Variants in HTR4 observed in about 807,000 individuals in gnomAD.
The protein encoded by HTR4 is 5-hydroxytryptamine receptor 4, also known as 5-hydroxytryptamine (serotonin) receptor 4, G protein-coupled.
Under a neutral mutation model 36.8 loss-of-function variants are expected in HTR4, and 16 were observed. The observed-to-expected ratio is 0.43, with a 90% CI of 0.29 to 0.66. HTR4 has a LOEUF of 0.66. HTR4 is among the 30% of genes least tolerant of loss of function. HTR4 has a pLI of 0.13. For synonymous variants in HTR4, 189 were observed against 185.1 expected (o/e 1.02, Z -0.17); for missense variants, 438 against 490.9 (o/e 0.89, Z 1.02).
intron 2 of HTR4, among the ~76,000 whole-genome samples, chr5:148,615,707 A>ATAAAATAAAATAAAAT (rs773040493): frequency 1.7e-5 from 2 of 117,194 alleles, no homozygotes; most frequent in South Asian, 5.6e-4. Flanking sequence ...AAAGAAAGAA[A>ATAAAATAAAATAAAAT]GAAATAAAAT....
At chr5:148,531,422 C>T (rs1758561694) in intron 4 of HTR4, among the ~76,000 whole-genome samples, 1 of 152,158 alleles carries the variant, frequency 6.6e-6, no homozygotes, top group African/African-American at 2.4e-5. Flanking sequence ...GCTCTCTTCT[C>T]TTGTCTGCCA....
chr5:148,651,465 T>A (rs1754031593), intron 1 of HTR4, among the ~76,000 whole-genome samples: 1 of 152,080 alleles, frequency 6.6e-6, no homozygotes, highest in South Asian at 2.1e-4. Flanking sequence ...ACTGGAGTGG[T>A]AGGAGGAGGG....
At chr5:148,640,107 A>C (rs1031357430) in intron 1 of HTR4, among the ~76,000 whole-genome samples, 7 of 152,202 alleles carry the variant, frequency 4.6e-5, no homozygotes, top group African/African-American at 1.7e-4. Flanking sequence ...ATCTGGGAAT[A>C]GAATTCACGG....
intron 4 of HTR4, among the ~76,000 whole-genome samples, chr5:148,533,393 G>A (rs1758667032): frequency 6.6e-6 from 1 of 152,210 alleles, no homozygotes; most frequent in South Asian, 2.1e-4. Flanking sequence ...CCAGCCACCA[G>A]CTTCTCCCAC....
chr5:148,465,668 A>G lies in HTR4; in HGVS notation c.1077-14396T>C, dbSNP rs576752745. 6.6e-5 allele frequency among the ~76,000 whole-genome samples: 10 copies of G among 152,354 alleles called. No individual in the cohort carries two copies. In the South Asian group the frequency reaches 2.1e-3, roughly 32 times the overall value. On this transcript the variant is annotated intron_variant, in intron 5 of 5. Transcript: ENST00000521530. ...ACCCATCATTAAAACATTTAAAAAT[A>G]GAAAATTAAATAAACCACTGAAACT...
At chr5:148,451,142 C>G in exon 6 of HTR4, 1 of 1,612,568 alleles carries the variant, frequency 6.2e-7, no homozygotes, top group Non-Finnish European at 8.5e-7. Flanking sequence ...TTCATGCAAA[C>G]ATGAATGCGA....
chr5:148,597,866 A>G (rs552775477), intron 2 of HTR4, among the ~76,000 whole-genome samples: 5 of 152,312 alleles, frequency 3.3e-5, no homozygotes, highest in Admixed American at 6.5e-5. Flanking sequence ...AGTACCTCCT[A>G]CACTCATAAC....
At chr5:148,568,506 G>T (rs1488285793) in intron 2 of HTR4, among the ~76,000 whole-genome samples, 1 of 152,106 alleles carries the variant, frequency 6.6e-6, no homozygotes, top group Admixed American at 6.6e-5. Flanking sequence ...AGAGCAAGTG[G>T]TAATGAATTA....
intron 4 of HTR4, among the ~76,000 whole-genome samples, chr5:148,525,760 T>C (rs1376276172): frequency 1.3e-5 from 2 of 152,208 alleles, no homozygotes; most frequent in Non-Finnish European, 2.9e-5. Context: ...ATGGGTTGAA[T>C]TGTGTCCTTC....
chr5:148,576,142 A>G (rs953794157), intron 2 of HTR4, among the ~76,000 whole-genome samples: 1 of 142,024 alleles, frequency 7.0e-6, no homozygotes, highest in Non-Finnish European at 1.6e-5. Context: ...AACAAAATCA[A>G]TGTAAAAAAT....
chr5:148,623,055 G>A (rs896260069), intron 2 of HTR4, among the ~76,000 whole-genome samples: 12 of 152,128 alleles, frequency 7.9e-5, no homozygotes, highest in South Asian at 2.1e-4. Context: ...ATGAGAAAAA[G>A]AGTGTTGGGC....
At chr5:148,530,057 C>T (rs1019804538) in intron 4 of HTR4, among the ~76,000 whole-genome samples, 3 of 152,142 alleles carry the variant, frequency 2.0e-5, no homozygotes, top group Admixed American at 1.3e-4. Flanking sequence ...GCAAAGCATT[C>T]AAGAGGTGAC....
chr5:148,489,260 G>A (rs577608442), intron 6 of HTR4, among the ~76,000 whole-genome samples: 2 of 152,244 alleles, frequency 1.3e-5, no homozygotes, highest in African/African-American at 4.8e-5. Flanking sequence ...ATTATTTGCA[G>A]GCTCTGGCTG....
chr5:148,542,806 T>C (rs957413947), intron 4 of HTR4, among the ~76,000 whole-genome samples: 1 of 152,184 alleles, frequency 6.6e-6, no homozygotes, highest in Non-Finnish European at 1.5e-5. Context: ...GGGGATGATA[T>C]ACCTCTGTTT....
chr5:148,540,862 G>C (rs1002498466), intron 4 of HTR4, among the ~76,000 whole-genome samples: 2 of 152,040 alleles, frequency 1.3e-5, no homozygotes, highest in Non-Finnish European at 2.9e-5. Context: ...AACCTTCAAG[G>C]GCACTCAGCT....
At chr5:148,640,298 C>T in intron 1 of HTR4, among the ~76,000 whole-genome samples, 1 of 152,222 alleles carries the variant, frequency 6.6e-6, no homozygotes, top group Admixed American at 6.5e-5. Flanking sequence ...CTGGAACCAC[C>T]TCTTCCCTTC....
intron 4 of HTR4, among the ~76,000 whole-genome samples, chr5:148,531,890 C>T (rs1407208193): frequency 6.6e-6 from 1 of 152,066 alleles, no homozygotes; most frequent in Admixed American, 6.6e-5. Context: ...CACCAGGGGA[C>T]ATTTGACAAT....
chr5:148,494,941 A>T (rs933272609), intron 6 of HTR4, among the ~76,000 whole-genome samples: 2 of 152,232 alleles, frequency 1.3e-5, no homozygotes, highest in Non-Finnish European at 2.9e-5. Context: ...CAGCCTGTTT[A>T]TCACAGGGAT....
intron 6 of HTR4, chr5:148,484,375 C>A: frequency 6.2e-7 from 1 of 1,611,172 alleles, no homozygotes; most frequent in Non-Finnish European, 8.5e-7. Flanking sequence ...AACAGAAAAT[C>A]TGTCCTAGCA....
Sources: gnomAD v4.1 joint callset for allele counts (sites outside exome capture counted in the v4.1 genomes callset) on GRCh38, gnomAD v4.1.1 for gene constraint, MANE v1.5 for transcripts, NCBI Gene and HGNC (gene_info 2026-07-23, HGNC 2026-07-21) for gene names.